The following PCDH15 variants were observed in gnomAD, a reference collection of about 807,000 sequenced individuals.
PCDH15 encodes protocadherin related 15.
Under a neutral mutation model 178.5 loss-of-function variants are expected in PCDH15, and 129 were observed. The observed-to-expected ratio is 0.72, with a 90% CI of 0.63 to 0.84. PCDH15 has a LOEUF of 0.84. Ranked by LOEUF, PCDH15 falls within the 40% of genes least tolerant of loss-of-function variation. PCDH15 has a pLI of 0.00. For synonymous variants in PCDH15, 800 were observed against 732.0 expected (o/e 1.09, Z -1.50); for missense variants, 2,230 against 2,099.9 (o/e 1.06, Z -1.21).
intron 2 of PCDH15, among the ~76,000 whole-genome samples, chr10:55,600,370 A>G (rs1843047932): frequency 6.6e-6 from 1 of 151,710 alleles, no homozygotes; most frequent in Non-Finnish European, 1.5e-5. Context: ...TCTTAAAAAA[A>G]AAAAAAATTG....
intron 28 of PCDH15, among the ~76,000 whole-genome samples, chr10:53,849,994 G>T (rs1023387245): frequency 6.6e-6 from 1 of 150,618 alleles, no homozygotes; most frequent in Non-Finnish European, 1.5e-5. Context: ...ACTAATTATT[G>T]TGACTTTGAG....
At chr10:55,470,787 C>T (rs1839939727) in intron 2 of PCDH15, among the ~76,000 whole-genome samples, 1 of 151,950 alleles carries the variant, frequency 6.6e-6, no homozygotes, top group Non-Finnish European at 1.5e-5. Context: ...TTTTCACTGT[C>T]CTAAAAACCC....
In PCDH15 at chr10:53,831,367, T is replaced by C. The variant is rs1181016322; in HGVS notation, c.4150A>G (p.Ile1384Val). Residue 1384 changes from isoleucine (I) to valine (V), a missense_variant, in exon 30 of 38, where the codon ATC becomes GTC. Transcript: ENST00000644397. ...EGALLALAFI[I>V]ILCCIPAILV... ...ATGGCAGGAATGCAGCAGAGGATGATGATGAAGGCCAGAGCCAACAAGGCC... is the reference window on the plus strand; with the variant it reads ...ATGGCAGGAATGCAGCAGAGGATGACGATGAAGGCCAGAGCCAACAAGGCC... 4.3e-6 allele frequency: 7 copies of C among 1,614,116 alleles called. No individual in the cohort carries two copies. Among genetic ancestry groups the C allele is most frequent in the Non-Finnish European group, 5.9e-6 (7 of 1,180,016 alleles).
At chr10:53,937,980 G>A (rs1036364079) in intron 25 of PCDH15, among the ~76,000 whole-genome samples, 1 of 152,024 alleles carries the variant, frequency 6.6e-6, no homozygotes, top group Non-Finnish European at 1.5e-5. Flanking sequence ...AACTTAAACT[G>A]GATTATCTTG....
chr10:55,024,975 G>C (rs1189439768), intron 2 of PCDH15, among the ~76,000 whole-genome samples: 1 of 151,990 alleles, frequency 6.6e-6, no homozygotes, highest in Non-Finnish European at 1.5e-5. Flanking sequence ...ACATCTCCTT[G>C]ACAGCAGAAT....
intron 3 of PCDH15, among the ~76,000 whole-genome samples, chr10:54,522,573 T>A (rs2082989539): frequency 6.6e-6 from 1 of 152,218 alleles, no homozygotes; most frequent in South Asian, 2.1e-4. Context: ...TCCTCAGTTG[T>A]TAATCACACC....
intron 2 of PCDH15, among the ~76,000 whole-genome samples, chr10:54,593,460 C>G (rs1277057864): frequency 6.6e-6 from 1 of 151,950 alleles, no homozygotes; most frequent in Admixed American, 6.6e-5. Context: ...TCTTGGTGCC[C>G]TTATTGTAGG....
intron 2 of PCDH15, among the ~76,000 whole-genome samples, chr10:55,458,914 TTATAAC>T (rs997773265): frequency 2.0e-5 from 3 of 151,938 alleles, no homozygotes; most frequent in African/African-American, 4.8e-5. Flanking sequence ...CTCAAAAAGT[TTATAAC>T]TATAAGAACA....
At chr10:55,151,366 G>A (rs1838707344) in intron 2 of PCDH15, among the ~76,000 whole-genome samples, 1 of 152,036 alleles carries the variant, frequency 6.6e-6, no homozygotes, top group Non-Finnish European at 1.5e-5. Flanking sequence ...ATAAGGAATT[G>A]GAGAAATAAG....
chr10:53,902,771 A>T (rs1204826155), intron 26 of PCDH15, among the ~76,000 whole-genome samples: 1 of 152,096 alleles, frequency 6.6e-6, no homozygotes, highest in African/African-American at 2.4e-5. Flanking sequence ...AGGTTTTTGT[A>T]ACTTTTAGTA....
At chr10:55,199,501 A>C (rs986200287) in intron 1 of PCDH15, among the ~76,000 whole-genome samples, 2 of 152,122 alleles carry the variant, frequency 1.3e-5, no homozygotes, top group Admixed American at 1.3e-4. Context: ...AAAAGTTTGG[A>C]AAATTTGCAG....
chr10:55,220,076 G>A (rs748681840), intron 1 of PCDH15, among the ~76,000 whole-genome samples: 2 of 151,700 alleles, frequency 1.3e-5, no homozygotes, highest in Non-Finnish European at 1.5e-5. Context: ...CTATTTTCTT[G>A]GCTAATTACC....
intron 2 of PCDH15, among the ~76,000 whole-genome samples, chr10:55,043,943 G>A (rs896545639): frequency 2.0e-5 from 3 of 151,788 alleles, no homozygotes; most frequent in South Asian, 2.1e-4. Context: ...AAGATTGAAC[G>A]GTAAAAAGCA....
chr10:54,228,369 T>A (rs1458080405), intron 9 of PCDH15, among the ~76,000 whole-genome samples: 3 of 152,098 alleles, frequency 2.0e-5, no homozygotes, highest in Non-Finnish European at 2.9e-5. Context: ...TCAGATCTTG[T>A]GAGACTTATT....
chr10:54,220,930 C>A lies in PCDH15; in HGVS notation c.986-6882G>T, dbSNP rs185851865. On this transcript the variant is annotated intron_variant, in intron 9 of 37. Transcript: ENST00000644397. ...AAACCAAGTGAAATTTATTTCCCTG[C>A]ATTTCTTAAAAGTGTAATGCTTTTC... 5.3e-5 allele frequency among the ~76,000 whole-genome samples: 8 copies of A among 152,088 alleles called. No individual in the cohort carries two copies. In the East Asian group the frequency reaches 1.5e-3, roughly 29 times the overall value.
intron 2 of PCDH15, among the ~76,000 whole-genome samples, chr10:55,496,501 G>C (rs1840537349): frequency 6.6e-6 from 1 of 151,512 alleles, no homozygotes; most frequent in South Asian, 2.1e-4. Flanking sequence ...CACACACACA[G>C]AATTAGACAA....
At chr10:54,527,578 C>A (rs1430705976) in intron 3 of PCDH15, among the ~76,000 whole-genome samples, 2 of 152,050 alleles carry the variant, frequency 1.3e-5, no homozygotes, top group Admixed American at 6.6e-5. Context: ...CAAATAATTT[C>A]TTTTAAACCA....
chr10:53,857,062 T>C (rs2078797041), intron 28 of PCDH15, 113 bp downstream of exon 28: 1 of 775,898 alleles, frequency 1.3e-6, no homozygotes, highest in South Asian at 1.6e-5. Context: ...ATGCAATATA[T>C]CCATGTAACA....
chr10:54,370,504 C>A (rs567903642), intron 4 of PCDH15, among the ~76,000 whole-genome samples: 1 of 152,012 alleles, frequency 6.6e-6, no homozygotes, highest in South Asian at 2.1e-4. Flanking sequence ...CAGTAACCAG[C>A]CCTATGCCTA....
Sources: allele counts gnomAD v4.1 joint callset (sites outside exome capture counted in the v4.1 genomes callset), GRCh38; gene constraint gnomAD v4.1.1; transcripts MANE v1.5; gene names NCBI Gene and HGNC (gene_info 2026-07-23, HGNC 2026-07-21).